The following TMCO5A variants were observed in gnomAD, a reference collection of about 807,000 sequenced individuals.
TMCO5A encodes the protein transmembrane and coiled-coil domains 5A, also known as transmembrane and coiled-coil domain-containing protein 5A.
TMCO5A carries 34 observed loss-of-function variants against 42.3 expected under a neutral mutation model. That is an observed-to-expected ratio of 0.80 (90% CI 0.61 to 1.07). The LOEUF (loss-of-function observed/expected upper bound fraction) is 1.07, where lower values mean the gene tolerates loss of function less well. TMCO5A is among the 50% of genes least tolerant of loss of function. The pLI, the probability that TMCO5A is intolerant of heterozygous loss-of-function variation, is 0.00. For missense variants in TMCO5A, 357 were observed against 327.9 expected, an observed-to-expected ratio of 1.09 and a Z score of -0.69; for synonymous variants, 131 against 115.6, an observed-to-expected ratio of 1.13 and a Z score of -0.86.
intron 11 of TMCO5A, among the ~76,000 whole-genome samples, chr15:37,959,812 T>A (rs898039735): frequency 6.6e-6 from 1 of 151,956 alleles, no homozygotes; most frequent in African/African-American, 2.4e-5. Context: ...AGTATAGTAC[T>A]GGACATCCTA....
chr15:38,035,354 T>C, the TMCO5A span, among the ~76,000 whole-genome samples: 2,197 of 152,342 alleles, frequency 0.014, 44 homozygotes, highest in African/African-American at 0.05. Context: ...TTTAGGCTTA[T>C]ATATGCCTAA....
the TMCO5A span, among the ~76,000 whole-genome samples, chr15:38,010,424 A>AACACACACACAC: frequency 3.3e-5 from 1 of 30,054 alleles, no homozygotes; most frequent in Non-Finnish European, 7.2e-5. Flanking sequence ...GCAGAGGGAG[A>AACACACACACAC]TCACACACAC....
At chr15:37,967,517 C>T (rs1890583910) in exon 12 of TMCO5A, 1 of 152,060 alleles carries the variant, frequency 6.6e-6, no homozygotes, top group African/African-American at 2.4e-5. Flanking sequence ...TTTATAGGGT[C>T]AGTTACATGC....
chr15:37,963,513 G>C (rs1198292508), intron 11 of TMCO5A, among the ~76,000 whole-genome samples: 1 of 152,154 alleles, frequency 6.6e-6, no homozygotes, highest in Non-Finnish European at 1.5e-5. Flanking sequence ...CTGTTGAATA[G>C]AATGTGTATT....
chr15:37,951,886 AC>A (rs921137695), downstream of TMCO5A, among the ~76,000 whole-genome samples: 5 of 151,674 alleles, frequency 3.3e-5, no homozygotes, highest in East Asian at 1.9e-4. Flanking sequence ...AATCACCAAC[AC>A]CCCCCCTTTC....
chr15:38,031,142 C>G, the TMCO5A span, among the ~76,000 whole-genome samples: 1 of 152,190 alleles, frequency 6.6e-6, no homozygotes, highest in African/African-American at 2.4e-5. Flanking sequence ...TTCTGCTTTC[C>G]CTTGCACCCT....
At chr15:37,970,386 C>T (rs183255029), downstream of TMCO5A, among the ~76,000 whole-genome samples, 302 of 152,274 alleles carry the variant, frequency 2.0e-3, 2 homozygotes, top group African/African-American at 6.7e-3. Context: ...GAAAGACCTG[C>T]CCCCATGATT....
At chr15:38,032,569 T>G in the TMCO5A span, among the ~76,000 whole-genome samples, 2 of 152,208 alleles carry the variant, frequency 1.3e-5, no homozygotes. Flanking sequence ...TTATAATTAT[T>G]TGTTAATTTC....
chr15:37,945,609 A>C (rs1889918579), intron 10 of TMCO5A, among the ~76,000 whole-genome samples: 1 of 151,922 alleles, frequency 6.6e-6, no homozygotes, highest in Non-Finnish European at 1.5e-5. Context: ...TTTGATTTGC[A>C]TTTCTCTAAT....
chr15:37,955,587 T>C (rs750369867), downstream of TMCO5A, among the ~76,000 whole-genome samples: 1 of 152,094 alleles, frequency 6.6e-6, no homozygotes, highest in Non-Finnish European at 1.5e-5. Context: ...GCACCCAGAT[T>C]CATAAAGCAA....
chr15:38,014,434 C>A, the TMCO5A span, among the ~76,000 whole-genome samples: 2,256 of 152,218 alleles, frequency 0.015, 46 homozygotes, highest in African/African-American at 0.051. Context: ...GTTTCCTCAA[C>A]TTTAACCCTC....
At chr15:37,937,489 A>G (rs1402431060) in intron 5 of TMCO5A, 93 bp downstream of exon 5, 6 of 1,395,376 alleles carry the variant, frequency 4.3e-6, no homozygotes, top group East Asian at 2.3e-5. Flanking sequence ...AGAGGAACCC[A>G]TAAGTCAGAG....
At chr15:38,038,351 C>G in the TMCO5A span, among the ~76,000 whole-genome samples, 1 of 150,544 alleles carries the variant, frequency 6.6e-6, no homozygotes, top group African/African-American at 2.4e-5. Context: ...CTCAGCAGAA[C>G]AAAATTTTGC....
At chr15:37,942,360 C>T (rs1205934137) in intron 9 of TMCO5A, 105 bp downstream of exon 9, 30 of 1,025,256 alleles carry the variant, frequency 2.9e-5, no homozygotes, top group Non-Finnish European at 4.0e-5. Context: ...TTGAATGAGT[C>T]CCGACGCCAC....
At chr15:37,972,195 C>T (rs913731871), downstream of TMCO5A, among the ~76,000 whole-genome samples, 14 of 152,266 alleles carry the variant, frequency 9.2e-5, no homozygotes, top group East Asian at 2.3e-3. Context: ...CATCTCGCAT[C>T]GCAGCAGACA....
the TMCO5A span, among the ~76,000 whole-genome samples, chr15:38,016,340 C>G: frequency 0.17 from 26,391 of 152,138 alleles, 2,523 homozygotes; most frequent in Middle Eastern, 0.31. Flanking sequence ...AATATTTGTG[C>G]CACTTATGAG....
chr15:37,941,546 AG>A, intron 7 of TMCO5A, 124 bp from the exon 8 acceptor site: 2 of 780,796 alleles, frequency 2.6e-6, no homozygotes, highest in Non-Finnish European at 4.3e-6. Flanking sequence ...ACAGCAAAAA[AG>A]AAAACATATT....
chr15:37,949,082 G>A (rs1163242431), intron 11 of TMCO5A, among the ~76,000 whole-genome samples: 1 of 151,904 alleles, frequency 6.6e-6, no homozygotes, highest in Non-Finnish European at 1.5e-5. Context: ...GGAAAGAAAT[G>A]GGGAAGGTTT....
chr15:38,017,728 G>T, the TMCO5A span, among the ~76,000 whole-genome samples: 1 of 152,176 alleles, frequency 6.6e-6, no homozygotes, highest in East Asian at 1.9e-4. Flanking sequence ...GGCACCGCAG[G>T]CAGTCATCTG....
Sources: gnomAD v4.1 joint callset for allele counts (sites outside exome capture counted in the v4.1 genomes callset) on GRCh38, gnomAD v4.1.1 for gene constraint, MANE v1.5 for transcripts, NCBI Gene and HGNC (gene_info 2026-07-23, HGNC 2026-07-21) for gene names.